The following STT3B variants were observed in gnomAD, a reference collection of about 807,000 sequenced individuals.
STT3B encodes the protein STT3 oligosaccharyltransferase complex catalytic subunit B.
A neutral mutation model predicts 96.8 loss-of-function variants in STT3B; 29 were observed. The observed-to-expected ratio is 0.30, with a 90% CI of 0.22 to 0.41. The LOEUF (loss-of-function observed/expected upper bound fraction) is 0.41, where lower values mean the gene tolerates loss of function less well. Ranked by LOEUF, STT3B falls within the 10% of genes least tolerant of loss-of-function variation. The probability of loss-of-function intolerance (pLI) is 1.00; values close to 1 mark genes in which losing one functional copy is unlikely to be tolerated. For synonymous variants in STT3B, 367 were observed against 360.0 expected (o/e 1.02, Z -0.22); for missense variants, 640 against 1,022.3 (o/e 0.63, Z 5.10).
chr3:31,580,133 C>T (rs184631442), intron 3 of STT3B, 37 bp downstream of exon 3: 1,352 of 1,586,054 alleles, frequency 8.5e-4, no homozygotes, highest in Non-Finnish European at 1.0e-3. Flanking sequence ...CATTATTACT[C>T]GTGACCTTTC....
chr3:31,588,761 TA>T (rs1010635568), intron 3 of STT3B, among the ~76,000 whole-genome samples: 5 of 152,058 alleles, frequency 3.3e-5, no homozygotes, highest in African/African-American at 1.2e-4. Flanking sequence ...CATTATTTGT[TA>T]AAAAAATTAT....
At chr3:31,548,957 A>G (rs1426909176) in intron 1 of STT3B, among the ~76,000 whole-genome samples, 2 of 152,194 alleles carry the variant, frequency 1.3e-5, no homozygotes, top group Non-Finnish European at 2.9e-5. Context: ...ACCATGTTAC[A>G]GTCTTAAGAA....
At chr3:31,572,222 A>G (rs891781679) in intron 1 of STT3B, among the ~76,000 whole-genome samples, 1 of 145,538 alleles carries the variant, frequency 6.9e-6, no homozygotes, top group African/African-American at 2.5e-5. Flanking sequence ...TATATTATAT[A>G]TATATATGAT....
Position 31,622,164 on chromosome 3 carries a change from T to C in STT3B, c.1395T>C (p.Thr465=), listed in dbSNP as rs905900632. The C allele has an allele frequency of 2.5e-6, 4 of 1,614,018 alleles. No homozygotes were observed. Among genetic ancestry groups the C allele is most frequent in the Non-Finnish European group, 2.5e-6 (3 of 1,179,976 alleles). ...GVMVRLMLTL[T]PVVCMLSAIA... is the part of the protein sequence containing the mutation. The stretch of plus-strand genomic sequence containing the variant: ...TGGTGCGACTGATGTTGACTTTGAC[T>C]CCAGTCGTGTGTATGCTGTCTGCAA... Residue 465 remains threonine, a synonymous_variant, in exon 10 of 16, where the codon ACT becomes ACC. Coordinates refer to ENST00000295770, the MANE Select transcript of STT3B (RefSeq NM_178862.3).
rs188375874 is a variant in STT3B at position 31,565,023 on chromosome 3, G to A, written c.315-11373G>A. Among the ~76,000 whole-genome samples, 4 of 152,278 alleles carry A rather than the reference G, an allele frequency of 2.6e-5. No individual in the cohort carries two copies. The East Asian group carries it at 7.7e-4, about 29-fold the overall frequency. The stretch of plus-strand genomic sequence containing the variant: ...AAATAATGGACAATAGAAACAATAG[G>A]CTTAACCTTTTAACATGCCTGCCTG... On this transcript the variant is annotated intron_variant, in intron 1 of 15. Coordinates refer to ENST00000295770, the MANE Select transcript of STT3B (RefSeq NM_178862.3).
chr3:31,541,468 T>C (rs1222781980), intron 1 of STT3B, among the ~76,000 whole-genome samples: 1 of 151,298 alleles, frequency 6.6e-6, no homozygotes, highest in African/African-American at 2.4e-5. Context: ...TTTTTTCTTT[T>C]TTTGTTTTTT....
intron 1 of STT3B, among the ~76,000 whole-genome samples, chr3:31,544,821 CAA>C (rs796335596): frequency 5.3e-5 from 8 of 152,160 alleles, no homozygotes; most frequent in African/African-American, 1.7e-4. Flanking sequence ...ACTAGAAATA[CAA>C]AAATTAGACG....
rs770988640 is a variant in STT3B at position 31,626,125 on chromosome 3, C to T, written c.2071C>T (p.Arg691Trp). ...IAEGEHPKDI[R>W]ESDYFTPQGE... ...TGAAGGAGAACATCCCAAAGACATT[C>T]GGGTAAGAAACTAGATAATTCCAGG... Residue 691 changes from arginine (R) to tryptophan (W), a missense_variant and splice_region_variant, in exon 13 of 16, where the codon CGG becomes TGG. Physicochemically the swap from Arg to Trp is moderately radical, Grantham distance 101. This residue lies in a region of STT3B where 40 missense variants were observed against 122.2 expected (regional missense o/e 0.33). Coordinates refer to ENST00000295770, the MANE Select transcript of STT3B (RefSeq NM_178862.3). The T allele has an allele frequency of 8.1e-6, 13 of 1,611,286 alleles. No homozygotes were observed. The highest frequency in any genetic ancestry group is 1.3e-5 in the African/African-American group (1 of 74,746).
intron 5 of STT3B, among the ~76,000 whole-genome samples, chr3:31,607,191 C>G (rs1699072747): frequency 6.6e-6 from 1 of 152,090 alleles, no homozygotes; most frequent in Non-Finnish European, 1.5e-5. Context: ...TTGGATGAGA[C>G]TTTGGACTGT....
At chr3:31,622,012 G>C in intron 9 of STT3B, 85 bp from the exon 10 acceptor site, 1 of 715,374 alleles carries the variant, frequency 1.4e-6, no homozygotes. Flanking sequence ...ATAATTCCAG[G>C]TTGGTTTTAT....
Position 31,585,230 on chromosome 3 carries a change from G to A in STT3B, c.711+5134G>A, listed in dbSNP as rs371444688. 3.9e-5 allele frequency among the ~76,000 whole-genome samples: 6 copies of A among 152,084 alleles called. No homozygotes were observed. The East Asian group carries it at 5.8e-4, about 15-fold the overall frequency. ...CTACAGAGATTAAAACATTTTCATC[G>A]TGATTGAGTGATTGAGAGTAAAGTC... On this transcript the variant is annotated intron_variant, in intron 3 of 15. Transcript: ENST00000295770.
chr3:31,580,520 T>C (rs1231892830), intron 3 of STT3B, among the ~76,000 whole-genome samples: 1 of 152,220 alleles, frequency 6.6e-6, no homozygotes, highest in Non-Finnish European at 1.5e-5. Context: ...AATATGATGC[T>C]ACTTGGGTTC....
intron 1 of STT3B, among the ~76,000 whole-genome samples, chr3:31,541,760 C>G (rs1277507937): frequency 1.3e-5 from 2 of 151,876 alleles, no homozygotes; most frequent in Non-Finnish European, 2.9e-5. Flanking sequence ...GTGTTTTTAG[C>G]AGAGACGAGG....
chr3:31,604,745 T>G (rs1288509439), intron 5 of STT3B, among the ~76,000 whole-genome samples: 2 of 152,210 alleles, frequency 1.3e-5, no homozygotes, highest in African/African-American at 4.8e-5. Context: ...GTTTTGGAGA[T>G]AAGTCTTGAT....
intron 5 of STT3B, among the ~76,000 whole-genome samples, chr3:31,604,792 A>G (rs1372366644): frequency 1.3e-5 from 2 of 152,166 alleles, no homozygotes; most frequent in Non-Finnish European, 2.9e-5. Context: ...CAGACTTAGA[A>G]TTTGTGGTAA....
chr3:31,552,681 C>A (rs143601564), intron 1 of STT3B, among the ~76,000 whole-genome samples: 25 of 152,272 alleles, frequency 1.6e-4, no homozygotes, highest in Non-Finnish European at 3.2e-4. Context: ...AATAATTCAT[C>A]CAGGTTTAAG....
chr3:31,532,930 C>G lies in STT3B; in HGVS notation c.-69C>G, dbSNP rs1398013041. On this transcript the variant is annotated 5_prime_UTR_variant, in exon 1 of 16. Transcript: ENST00000295770. ...TCCTCCTCCTCCTCCTCCGGGTCCC[C>G]GCCCAGCACCCCTCGCACCAGGCGG... The G allele has an allele frequency of 4.0e-6, 6 of 1,500,942 alleles. No individual in the cohort carries two copies. Among genetic ancestry groups the G allele is most frequent in the South Asian group, 1.3e-5 (1 of 78,992 alleles). The allele number at this position is 1,500,942 out of a possible 1,614,324, so 93.0% of individuals were successfully genotyped here.
rs751202074 is a variant in STT3B at position 31,617,125 on chromosome 3, A to T, written c.1123+50A>T. On this transcript the variant is annotated intron_variant, in intron 7 of 15. Coordinates refer to ENST00000295770, the MANE Select transcript of STT3B (RefSeq NM_178862.3). ...TGAATATTGTCTATACAAACAATAT[A>T]AGAAAAATAGCCAAAGTTTCTAAAA... is the stretch of plus-strand genomic sequence containing the variant. The T allele has an allele frequency of 3.0e-6, 4 of 1,348,584 alleles. No homozygotes were observed. In the African/African-American group the frequency reaches 5.9e-5, roughly 20 times the overall value. 83.5% of individuals were successfully genotyped at this position (1,348,584 alleles called of 1,614,324 possible). A position where few individuals can be genotyped will look rare whatever the true frequency, so the allele number is the denominator to read the frequency against.
intron 5 of STT3B, among the ~76,000 whole-genome samples, chr3:31,607,226 G>T (rs996489302): frequency 1.3e-5 from 2 of 152,168 alleles, no homozygotes; most frequent in Non-Finnish European, 2.9e-5. Context: ...ATGCTGAAAT[G>T]AGTTAAGACT....
Sources: allele counts gnomAD v4.1 joint callset (sites outside exome capture counted in the v4.1 genomes callset), GRCh38; gene constraint gnomAD v4.1.1; regional missense constraint gnomAD v4.1.1; transcripts MANE v1.5; gene names NCBI Gene and HGNC (gene_info 2026-07-23, HGNC 2026-07-21).